The following MGA variants were observed in gnomAD, a reference collection of about 807,000 sequenced individuals.
The protein encoded by MGA is MAX gene-associated protein.
In MGA, 40 loss-of-function variants were observed where a neutral mutation model predicts 261.1. The observed-to-expected ratio is 0.15, with a 90% CI of 0.12 to 0.20. The LOEUF (loss-of-function observed/expected upper bound fraction) is 0.20. Among genes scored for constraint, MGA ranks in the 10% least tolerant of loss-of-function variants. The pLI, the probability that MGA is intolerant of heterozygous loss-of-function variation, is 1.00. For missense variants in MGA, 3,397 were observed against 3,630.5 expected (o/e 0.94, Z 1.65); for synonymous variants, 1,302 against 1,290.6 (o/e 1.01, Z -0.19).
At chr15:41,621,658 G>A (rs914130616) in intron 1 of MGA, 16 of 151,836 alleles carry the variant, frequency 1.1e-4, no homozygotes, top group Non-Finnish European at 1.9e-4. Flanking sequence ...TGTTCTTGGC[G>A]CGAAGTGTTA....
Position 41,761,765 on chromosome 15 carries a change from A to G in MGA, c.7425A>G (p.Thr2475=), listed in dbSNP as rs748562124. ...CCTTCAGTGAAATTCAGGGACTAAC[A>G]GATCAGGCAGACAAATTGATAGGAC... is the stretch of plus-strand genomic sequence containing the variant. The change falls in exon 21 of 24, where the codon ACA becomes ACG. Residue 2475 remains threonine, a synonymous_variant. Coordinates refer to ENST00000219905, the MANE Select transcript of MGA (RefSeq NM_001164273.2). 18 of 1,597,146 alleles carry G rather than the reference A, an allele frequency of 1.1e-5. 1 individual carries two copies. The highest frequency in any genetic ancestry group is 1.2e-5 in the Non-Finnish European group (14 of 1,170,942).
chr15:41,624,868 C>T (rs1391545939), intron 1 of MGA, among the ~76,000 whole-genome samples: 1 of 152,162 alleles, frequency 6.6e-6, no homozygotes, highest in East Asian at 1.9e-4. Context: ...TGAGGCCAGG[C>T]ACGTGGCTCA....
At chr15:41,737,041 T>G (rs1344922721) in intron 13 of MGA, among the ~76,000 whole-genome samples, 1 of 152,210 alleles carries the variant, frequency 6.6e-6, no homozygotes, top group Non-Finnish European at 1.5e-5. Context: ...CTCTTGGAAT[T>G]TATTATTAGC....
intron 2 of MGA, among the ~76,000 whole-genome samples, chr15:41,678,589 C>A (rs978936324): frequency 4.0e-5 from 6 of 150,930 alleles, no homozygotes; most frequent in Admixed American, 2.0e-4. Flanking sequence ...CATAGTGAAA[C>A]CCTGTCTCTA....
In MGA at chr15:41,713,155, C is replaced by T. The variant is rs2060469046; in HGVS notation, c.3089C>T (p.Ser1030Phe). The change falls in exon 9 of 24, where the codon TCC becomes TTC. Residue 1030 changes from serine to phenylalanine, a missense_variant. Ser to Phe is a radical substitution (Grantham distance 155). Around this residue, in one of 9 missense-constraint regions of MGA, gnomAD observed 519 missense variants for 554.1 expected, o/e 0.94. Transcript: ENST00000219905. ...AATTTTCTCCTTTGACTTTAGGCAT[C>T]CCTCAAAACTAAACCTATCCACACA... 6.2e-7 allele frequency: 1 copy of T among 1,608,494 alleles called. No individual in the cohort carries two copies. Among genetic ancestry groups the T allele is most frequent in the Non-Finnish European group, 8.5e-7 (1 of 1,177,812 alleles).
intron 2 of MGA, among the ~76,000 whole-genome samples, chr15:41,678,090 A>AT (rs540221309): frequency 0.011 from 1,528 of 137,644 alleles, 10 homozygotes; most frequent in South Asian, 0.019. Context: ...TCAATTTTGA[A>AT]TTTTTTTTTT....
chr15:41,741,688 T>A (rs959614183), intron 14 of MGA, among the ~76,000 whole-genome samples: 2 of 152,150 alleles, frequency 1.3e-5, no homozygotes, highest in African/African-American at 4.8e-5. Context: ...GTCAAAAGAA[T>A]TTTAGTAGGA....
At position 41,632,668 on chromosome 15, in the gene MGA, T is replaced by C. The variant is rs2056615060; in HGVS notation, c.-68+11370T>C. On this transcript the variant is annotated intron_variant, in intron 1 of 8. Coordinates refer to the MGA transcript ENST00000566718. ...TGTCCCAGACTCCAAATCAGGGAGA[T>C]AGATTTGAGCTGGGCCTCCTGTTTC... is the stretch of plus-strand genomic sequence containing the variant. Among the ~76,000 whole-genome samples the C allele has an allele frequency of 2.0e-5, 3 of 152,102 alleles. 1 individual carries two copies. In the South Asian group the frequency reaches 6.2e-4, roughly 32 times the overall value.
chr15:41,764,496 A>C (rs1458797386), intron 22 of MGA, among the ~76,000 whole-genome samples: 1 of 152,022 alleles, frequency 6.6e-6, no homozygotes, highest in Non-Finnish European at 1.5e-5. Flanking sequence ...CTCGTGATCC[A>C]CCTGCCTCGG....
intron 2 of MGA, among the ~76,000 whole-genome samples, chr15:41,693,463 A>G (rs1475409845): frequency 6.6e-6 from 1 of 151,924 alleles, no homozygotes; most frequent in African/African-American, 2.4e-5. Context: ...AGGATTTTCA[A>G]GTAAGGTTAA....
At chr15:41,745,890 G>A (rs941584751) in intron 15 of MGA, among the ~76,000 whole-genome samples, 6 of 152,194 alleles carry the variant, frequency 3.9e-5, no homozygotes, top group African/African-American at 1.4e-4. Flanking sequence ...ACAGGCATGA[G>A]CCACTGCATC....
chr15:41,718,553 C>A, intron 9 of MGA: 2 of 428,660 alleles, frequency 4.7e-6, no homozygotes, highest in Non-Finnish European at 8.9e-6. Flanking sequence ...TCTCACCTTC[C>A]TGGTGTCTGG....
At chr15:41,643,546 C>T (rs2056870569) in intron 1 of MGA, among the ~76,000 whole-genome samples, 1 of 151,870 alleles carries the variant, frequency 6.6e-6, no homozygotes, top group South Asian at 2.1e-4. Context: ...GGCCCTGGCT[C>T]CCATTTTTAA....
intron 2 of MGA, among the ~76,000 whole-genome samples, chr15:41,674,185 T>A (rs2058244885): frequency 6.6e-6 from 1 of 151,814 alleles, no homozygotes; most frequent in African/African-American, 2.4e-5. Flanking sequence ...CCACTACATC[T>A]GACCAATTAT....
chr15:41,665,661 G>T (rs1165141596), intron 1 of MGA, among the ~76,000 whole-genome samples: 2 of 151,772 alleles, frequency 1.3e-5, no homozygotes, highest in South Asian at 4.1e-4. Context: ...AGCCACCATG[G>T]CCGGCCTCAT....
rs2062199465 is a variant in MGA at position 41,742,935 on chromosome 15, A to G, written c.4975A>G (p.Asn1659Asp). Reference sequence around the variant, plus strand: ...ATCTACCCAGTCTACAGCCACTGTGAACCTTACCAAAACCACTGGGATAAC... The same window carrying G: ...ATCTACCCAGTCTACAGCCACTGTGGACCTTACCAAAACCACTGGGATAAC... Residue 1659 changes from asparagine to aspartate, a missense_variant, in exon 15 of 24, where the codon AAC (asparagine) becomes GAC (aspartate). Around this residue, in one of 9 missense-constraint regions of MGA, gnomAD observed 1,410 missense variants for 1,386.4 expected, o/e 1.02. Transcript: ENST00000219905. The G allele has an allele frequency of 6.2e-7, 1 of 1,613,902 alleles. No individual in the cohort carries two copies. The highest frequency in any genetic ancestry group is 8.5e-7 in the Non-Finnish European group (1 of 1,179,892).
At position 41,669,956 on chromosome 15, in the gene MGA, A is replaced by G. The variant is rs1050063286; in HGVS notation, c.1062A>G (p.Glu354=). The G allele has an allele frequency of 3.7e-6, 6 of 1,608,460 alleles. No homozygotes were observed. The South Asian group carries it at 6.6e-5, about 18-fold the overall frequency. The stretch of plus-strand genomic sequence containing the variant: ...CTCAATTGAAGCAAGAGATTTCTGA[A>G]TGGTAAGTAGTAGTTTTTCTGTTCT... The change falls in exon 2 of 24, where the codon GAA becomes GAG. Residue 354 remains glutamate, a splice_region_variant and synonymous_variant. Transcript: ENST00000219905.
intron 2 of MGA, among the ~76,000 whole-genome samples, chr15:41,686,019 ATAAT>A (rs1267140307): frequency 1.4e-5 from 2 of 142,564 alleles, no homozygotes; most frequent in African/African-American, 5.2e-5. Context: ...AAAAAAAAAA[ATAAT>A]AATAATAATT....
At chr15:41,678,156 T>G (rs2151059780) in intron 2 of MGA, among the ~76,000 whole-genome samples, 1 of 151,314 alleles carries the variant, frequency 6.6e-6, no homozygotes, top group South Asian at 2.1e-4. Context: ...AGTGGTGTGA[T>G]CTCGACTCAC....
Sources: allele counts gnomAD v4.1 joint callset (sites outside exome capture counted in the v4.1 genomes callset), GRCh38; gene constraint gnomAD v4.1.1; regional missense constraint gnomAD v4.1.1; transcripts MANE v1.5; gene names NCBI Gene and HGNC (gene_info 2026-07-23, HGNC 2026-07-21).